CCDC3: variants seen among roughly 807,000 people sequenced by gnomAD.
CCDC3 encodes the protein coiled-coil domain containing 3, also known as coiled-coil domain-containing protein 3.
CCDC3 carries 24 observed loss-of-function variants against 21.4 expected under a neutral mutation model. The ratio of observed to expected loss-of-function variants is 1.12; its 90% confidence interval spans 0.81 to 1.58. The LOEUF is 1.58. Ranked by LOEUF, CCDC3 falls within the 40% of genes most tolerant of loss-of-function variation. The probability of loss-of-function intolerance (pLI) is 0.00; values close to 1 mark genes in which losing one functional copy is unlikely to be tolerated. For missense variants in CCDC3, 425 were observed against 360.9 expected (o/e 1.18, Z -1.44); for synonymous variants, 186 against 166.0 (o/e 1.12, Z -0.93).
In CCDC3 at chr10:13,053,380, G is replaced by A. The variant is rs963038504; in HGVS notation, c.-269-3439C>T. 4.0e-5 allele frequency among the ~76,000 whole-genome samples: 6 copies of A among 151,686 alleles called. No homozygotes were observed. The East Asian group carries it at 9.7e-4, about 25-fold the overall frequency. On this transcript the variant is annotated intron_variant, in intron 4 of 6. Coordinates refer to the CCDC3 transcript ENST00000378839. ...GACCAGGAGTTCAAGACCAGCCTGG[G>A]CAACATAGTGAGACCCCATCTCCAT...
chr10:12,955,284 C>T (rs1203369819), intron 2 of CCDC3, among the ~76,000 whole-genome samples: 2 of 152,174 alleles, frequency 1.3e-5, no homozygotes, highest in African/African-American at 2.4e-5. Flanking sequence ...TTTTCAAGGA[C>T]ATATCTAACT....
chr10:13,084,313 TTCACTC>T (rs1271528683), intron 3 of CCDC3, among the ~76,000 whole-genome samples: 1 of 147,376 alleles, frequency 6.8e-6, no homozygotes. Flanking sequence ...GAGACAGCAT[TTCACTC>T]TTGTTGCCCA....
Position 12,922,809 on chromosome 10 carries a change from A to G in CCDC3, c.550-24130T>C, listed in dbSNP as rs528921827. On this transcript the variant is annotated intron_variant, in intron 2 of 2. Transcript: ENST00000378825. ...TGAGTCTGGCAGAAAATGCCCACTTAGATGTTGCATCTGATAGTATGGGAT... is the reference window on the plus strand; with the variant it reads ...TGAGTCTGGCAGAAAATGCCCACTTGGATGTTGCATCTGATAGTATGGGAT... 2.0e-5 allele frequency among the ~76,000 whole-genome samples: 3 copies of G among 152,278 alleles called. No individual in the cohort carries two copies. In the East Asian group the frequency reaches 5.8e-4, roughly 29 times the overall value.
chr10:13,085,866 T>C (rs907513061), intron 3 of CCDC3, among the ~76,000 whole-genome samples: 4 of 151,266 alleles, frequency 2.6e-5, no homozygotes, highest in African/African-American at 7.3e-5. Context: ...ACTCAGGAGG[T>C]TGAGGCAGGA....
In CCDC3 at chr10:13,036,083, G is replaced by T. The variant is rs190855222; in HGVS notation, c.-2+13591C>A. On this transcript the variant is annotated intron_variant, in intron 5 of 6. Transcript: ENST00000378839. ...CGCTTGAACCCAGGAGGTGGAGAAC[G>T]CAGTGAGCCGAGATTGAGCCACTGC... is the stretch of plus-strand genomic sequence containing the variant. 3.9e-5 allele frequency among the ~76,000 whole-genome samples: 6 copies of T among 152,168 alleles called. No homozygotes were observed. In the East Asian group the frequency reaches 1.2e-3, roughly 30 times the overall value.
In CCDC3 at chr10:13,016,014, G is replaced by T. The variant is rs565982676; in HGVS notation, c.-1-17502C>A. Among the ~76,000 whole-genome samples, 18 of 152,050 alleles carry T rather than the reference G, an allele frequency of 1.2e-4. No homozygotes were observed. The South Asian group carries it at 3.8e-3, about 32-fold the overall frequency. On this transcript the variant is annotated intron_variant, in intron 5 of 6. Coordinates refer to the CCDC3 transcript ENST00000378839. ...ATGAATACCCTATATATCCTGATGTGAGTATTACACACTGCATGCCTATAT... is the reference window on the plus strand; with the variant it reads ...ATGAATACCCTATATATCCTGATGTTAGTATTACACACTGCATGCCTATAT...
intron 2 of CCDC3, among the ~76,000 whole-genome samples, chr10:12,906,970 C>T (rs1446609793): frequency 6.6e-6 from 1 of 152,208 alleles, no homozygotes; most frequent in Admixed American, 6.5e-5. Flanking sequence ...TGACATTCTA[C>T]TTCTTCTCCA....
intron 4 of CCDC3, among the ~76,000 whole-genome samples, chr10:13,062,026 T>A (rs2668910): frequency 7.4e-6 from 1 of 134,312 alleles, no homozygotes; most frequent in African/African-American, 2.7e-5. Context: ...CAAAGAACCA[T>A]GTTTTGGGGT....
chr10:12,988,833 T>C (rs1024024503), intron 2 of CCDC3, among the ~76,000 whole-genome samples: 2 of 152,196 alleles, frequency 1.3e-5, no homozygotes, highest in Admixed American at 6.5e-5. Flanking sequence ...TTAGTAAATA[T>C]ATGTAGAATG....
chr10:13,015,290 T>G (rs961729414), intron 5 of CCDC3, among the ~76,000 whole-genome samples: 1 of 152,112 alleles, frequency 6.6e-6, no homozygotes, highest in Non-Finnish European at 1.5e-5. Flanking sequence ...GAGCTGATAA[T>G]TAGATTAAAT....
At chr10:12,908,032 C>T (rs1834201919) in intron 2 of CCDC3, among the ~76,000 whole-genome samples, 1 of 152,132 alleles carries the variant, frequency 6.6e-6, no homozygotes, top group Non-Finnish European at 1.5e-5. Flanking sequence ...TGCTGATGGC[C>T]CATGATTAAA....
intron 4 of CCDC3, among the ~76,000 whole-genome samples, chr10:13,050,781 GT>G (rs1836596286): frequency 6.6e-6 from 1 of 151,570 alleles, no homozygotes; most frequent in South Asian, 2.1e-4. Flanking sequence ...TTATCATTAC[GT>G]TTTAGTTTGT....
chr10:12,984,132 G>T (rs1835550830), intron 2 of CCDC3, among the ~76,000 whole-genome samples: 1 of 152,092 alleles, frequency 6.6e-6, no homozygotes, highest in South Asian at 2.1e-4. Flanking sequence ...ACACACAATG[G>T]GAGAAAATGT....
At chr10:13,002,857 A>G (rs900416825), upstream of CCDC3, among the ~76,000 whole-genome samples, 2 of 152,114 alleles carry the variant, frequency 1.3e-5, no homozygotes, top group Admixed American at 6.5e-5. Flanking sequence ...CCTGGCTTAC[A>G]GACGGCCACC....
chr10:13,054,830 C>A lies in CCDC3; in HGVS notation c.-269-4889G>T, dbSNP rs181877511. ...TACAGGTAACCCTCACTACGCGTGGCTAATTTTTGTATTTTTAGTAGAGAT... is the reference window on the plus strand; with the variant it reads ...TACAGGTAACCCTCACTACGCGTGGATAATTTTTGTATTTTTAGTAGAGAT... On this transcript the variant is annotated intron_variant, in intron 4 of 6. Coordinates refer to the CCDC3 transcript ENST00000378839. Among the ~76,000 whole-genome samples the A allele has an allele frequency of 5.3e-5, 8 of 152,224 alleles. No homozygotes were observed. The South Asian group carries it at 1.7e-3, about 32-fold the overall frequency.
At chr10:13,004,808 G>T (rs1835906890), upstream of CCDC3, among the ~76,000 whole-genome samples, 1 of 152,184 alleles carries the variant, frequency 6.6e-6, no homozygotes, top group African/African-American at 2.4e-5. Flanking sequence ...TGGGCTCATT[G>T]AGTAAGCAGT....
intron 4 of CCDC3, among the ~76,000 whole-genome samples, chr10:13,059,658 T>G (rs890972135): frequency 5.1e-4 from 77 of 152,260 alleles, no homozygotes; most frequent in African/African-American, 1.8e-3. Context: ...GTTTTTTTTC[T>G]GCCATTTCAC....
chr10:13,089,322 CTTA>C (rs1837151322), intron 3 of CCDC3, among the ~76,000 whole-genome samples: 2 of 152,250 alleles, frequency 1.3e-5, no homozygotes, highest in Non-Finnish European at 2.9e-5. Flanking sequence ...ATGTTTAACA[CTTA>C]TTATGAATTC....
At chr10:13,098,095 G>A (rs1037068440) in intron 3 of CCDC3, among the ~76,000 whole-genome samples, 41 of 152,268 alleles carry the variant, frequency 2.7e-4, no homozygotes, top group African/African-American at 8.9e-4. Flanking sequence ...GGGGGAGTGT[G>A]TGTGCATGTG....
Sources: gnomAD v4.1 joint callset for allele counts (sites outside exome capture counted in the v4.1 genomes callset) on GRCh38, gnomAD v4.1.1 for gene constraint, MANE v1.5 for transcripts, NCBI Gene and HGNC (gene_info 2026-07-23, HGNC 2026-07-21) for gene names.